Variants in PDE4D observed in about 807,000 individuals in gnomAD.
PDE4D encodes the protein 3',5'-cyclic-AMP phosphodiesterase 4D.
A neutral mutation model predicts 87.4 loss-of-function variants in PDE4D; 24 were observed. That is an observed-to-expected ratio of 0.27 (90% CI 0.20 to 0.39). The LOEUF is 0.39. PDE4D is among the 10% of genes least tolerant of loss of function. The pLI, the probability that PDE4D is intolerant of heterozygous loss-of-function variation, is 1.00. For missense variants in PDE4D, 714 were observed against 1,041.0 expected, an observed-to-expected ratio of 0.69 and a Z score of 4.32; for synonymous variants, 384 against 383.2, an observed-to-expected ratio of 1.00 and a Z score of -0.02.
At chr5:60,103,231 T>C (rs575541081) in intron 2 of PDE4D, among the ~76,000 whole-genome samples, 1 of 152,046 alleles carries the variant, frequency 6.6e-6, no homozygotes, top group African/African-American at 2.4e-5. Flanking sequence ...AGCCTTGGAG[T>C]TATTTTTCCT....
At chr5:59,577,284 A>G (rs1181148420) in intron 1 of PDE4D, among the ~76,000 whole-genome samples, 1 of 152,124 alleles carries the variant, frequency 6.6e-6, no homozygotes, top group Non-Finnish European at 1.5e-5. Flanking sequence ...TGCCATTTAA[A>G]GTTAGGTTTT....
intron 1 of PDE4D, among the ~76,000 whole-genome samples, chr5:59,594,712 G>A (rs1166066778): frequency 6.6e-6 from 1 of 152,062 alleles, no homozygotes; most frequent in Non-Finnish European, 1.5e-5. Flanking sequence ...ATAGTTAAAG[G>A]CAAAGAACAC....
chr5:59,384,024 G>GACT (rs1210929993), intron 1 of PDE4D, among the ~76,000 whole-genome samples: 1 of 151,908 alleles, frequency 6.6e-6, no homozygotes, highest in African/African-American at 2.4e-5. Flanking sequence ...AAGTAGCTGA[G>GACT]ACTACAGGCC....
At chr5:59,953,943 G>T (rs1409150797) in intron 3 of PDE4D, among the ~76,000 whole-genome samples, 1 of 152,100 alleles carries the variant, frequency 6.6e-6, no homozygotes, top group Non-Finnish European at 1.5e-5. Flanking sequence ...TTTTGTTTTT[G>T]AGACAGAGTT....
chr5:60,374,976 C>T (rs1375966952), intron 1 of PDE4D, among the ~76,000 whole-genome samples: 3 of 151,974 alleles, frequency 2.0e-5, no homozygotes, highest in Non-Finnish European at 4.4e-5. Flanking sequence ...TAATTTCTAT[C>T]CCAGTTCATT....
chr5:60,406,018 C>CT (rs142735398), intron 1 of PDE4D, among the ~76,000 whole-genome samples: 14 of 150,400 alleles, frequency 9.3e-5, no homozygotes, highest in South Asian at 6.3e-4. Flanking sequence ...TCATCTTGCA[C>CT]TTTTTTTTTT....
chr5:59,993,308 CTGTT>C (rs994452866), intron 2 of PDE4D, among the ~76,000 whole-genome samples: 29 of 152,276 alleles, frequency 1.9e-4, no homozygotes, highest in African/African-American at 6.7e-4. Context: ...TTTAATAAAA[CTGTT>C]TGGCAAATAT....
At chr5:60,388,862 C>T (rs150521421) in intron 1 of PDE4D, among the ~76,000 whole-genome samples, 1 of 152,286 alleles carries the variant, frequency 6.6e-6, no homozygotes, top group Non-Finnish European at 1.5e-5. Flanking sequence ...CCACAGCGAC[C>T]TAATTAAGTA....
At chr5:60,365,111 T>C (rs1423129155) in intron 1 of PDE4D, among the ~76,000 whole-genome samples, 6 of 152,132 alleles carry the variant, frequency 3.9e-5, no homozygotes, top group African/African-American at 1.4e-4. Flanking sequence ...AGCTTCCCAC[T>C]CAACTTTAAA....
chr5:59,914,358 A>G (rs1019205988), intron 3 of PDE4D, among the ~76,000 whole-genome samples: 2 of 152,108 alleles, frequency 1.3e-5, no homozygotes, highest in African/African-American at 4.8e-5. Context: ...TGTGGTCAGG[A>G]AAGTCCTCTC....
chr5:60,416,784 G>C (rs1302901494), intron 1 of PDE4D, among the ~76,000 whole-genome samples: 2 of 152,234 alleles, frequency 1.3e-5, no homozygotes, highest in Non-Finnish European at 2.9e-5. Context: ...TGGGGCTTTA[G>C]AGGATAATGA....
intron 1 of PDE4D, among the ~76,000 whole-genome samples, chr5:59,821,240 A>G (rs1252069417): frequency 7.2e-5 from 4 of 55,716 alleles, no homozygotes; most frequent in Non-Finnish European, 1.7e-4. Flanking sequence ...CTCAACAGCA[A>G]CAACAACAAC....
intron 1 of PDE4D, among the ~76,000 whole-genome samples, chr5:59,248,191 A>C (rs555372764): frequency 4.6e-4 from 69 of 148,392 alleles, no homozygotes; most frequent in African/African-American, 1.5e-3. Flanking sequence ...GGATAAGAAA[A>C]AATATAAGAT....
At chr5:59,099,090 T>C (rs1395189515) in intron 5 of PDE4D, among the ~76,000 whole-genome samples, 1 of 152,132 alleles carries the variant, frequency 6.6e-6, no homozygotes, top group Non-Finnish European at 1.5e-5. Flanking sequence ...ATTATATTGG[T>C]TACTAAATGA....
At chr5:59,224,283 CACACACACAT>C (rs1417622402) in intron 1 of PDE4D, among the ~76,000 whole-genome samples, 1 of 143,804 alleles carries the variant, frequency 7.0e-6, no homozygotes, top group Non-Finnish European at 1.5e-5. Context: ...TCCTGTCATA[CACACACACAT>C]ACACACACAC....
chr5:59,493,042 T>G (rs1267203992), intron 1 of PDE4D, among the ~76,000 whole-genome samples: 1 of 152,166 alleles, frequency 6.6e-6, no homozygotes, highest in African/African-American at 2.4e-5. Context: ...AATGGACTAA[T>G]ATGATCTATA....
intron 3 of PDE4D, among the ~76,000 whole-genome samples, chr5:59,940,034 A>AT (rs1368388095): frequency 6.6e-6 from 1 of 152,202 alleles, no homozygotes; most frequent in Non-Finnish European, 1.5e-5. Context: ...AAGGAAGTCC[A>AT]TAACAGAGAG....
intron 1 of PDE4D, among the ~76,000 whole-genome samples, chr5:59,762,421 C>A (rs1167865035): frequency 5.7e-5 from 7 of 121,966 alleles, no homozygotes; most frequent in African/African-American, 2.4e-4. Flanking sequence ...TATATGGGTA[C>A]ACATGTGTAT....
chr5:59,816,828 T>A (rs1483668575), intron 1 of PDE4D, among the ~76,000 whole-genome samples: 9 of 152,128 alleles, frequency 5.9e-5, no homozygotes, highest in Non-Finnish European at 1.5e-5. Flanking sequence ...TCAAGAGATA[T>A]CGTGGGTGGG....
Sources: gnomAD v4.1 joint callset for allele counts (sites outside exome capture counted in the v4.1 genomes callset) on GRCh38, gnomAD v4.1.1 for gene constraint, MANE v1.5 for transcripts, NCBI Gene and HGNC (gene_info 2026-07-23, HGNC 2026-07-21) for gene names.